ABHD17B: variants seen among roughly 807,000 people sequenced by gnomAD.
The protein encoded by ABHD17B is alpha/beta hydrolase domain-containing protein 17B.
In ABHD17B, 9 loss-of-function variants were observed where a neutral mutation model predicts 26.2. The observed-to-expected ratio is 0.34, with a 90% CI of 0.21 to 0.60. The LOEUF (loss-of-function observed/expected upper bound fraction) is 0.60. Ranked by LOEUF, ABHD17B falls within the 20% of genes least tolerant of loss-of-function variation. ABHD17B has a pLI of 0.80. For missense variants in ABHD17B, 224 were observed against 352.1 expected (o/e 0.64, Z 2.91); for synonymous variants, 127 against 122.3 (o/e 1.04, Z -0.25).
chr9:71,894,245 T>G (rs1192620623), intron 1 of ABHD17B, among the ~76,000 whole-genome samples: 1 of 152,204 alleles, frequency 6.6e-6, no homozygotes, highest in Non-Finnish European at 1.5e-5. Flanking sequence ...TACTGATGTT[T>G]GACTTATTTC....
intron 1 of ABHD17B, among the ~76,000 whole-genome samples, chr9:71,888,641 A>T (rs1001710179): frequency 6.6e-6 from 1 of 152,176 alleles, no homozygotes; most frequent in Non-Finnish European, 1.5e-5. Context: ...GGTTCATATT[A>T]TGGGTACCCC....
intron 1 of ABHD17B, among the ~76,000 whole-genome samples, chr9:71,892,114 T>G (rs1049274828): frequency 6.6e-6 from 1 of 152,180 alleles, no homozygotes; most frequent in South Asian, 2.1e-4. Context: ...TTCTTCTAGT[T>G]CTAAAACTTT....
intron 1 of ABHD17B, among the ~76,000 whole-genome samples, chr9:71,886,567 TG>T (rs1328450777): frequency 5.9e-5 from 9 of 152,200 alleles, no homozygotes; most frequent in African/African-American, 2.2e-4. Flanking sequence ...TTGCCCCGGC[TG>T]GAGTGCAGTG....
At position 71,874,835 on chromosome 9, in the gene ABHD17B, C is replaced by T; in HGVS notation, c.246G>A (p.Met82Ile). 1 of 1,614,180 alleles carries T rather than the reference C, an allele frequency of 6.2e-7. No individual in the cohort carries two copies. Among genetic ancestry groups the T allele is most frequent in the Non-Finnish European group, 8.5e-7 (1 of 1,180,022 alleles). ...RTSKGNRIAC[M>I]FVRCSPNAKY... The stretch of plus-strand genomic sequence containing the variant: ...TCGCATTGGGTGAACAACGTACAAA[C>T]ATACAAGCAATTCTGTTGCCTTTAC... Residue 82 changes from methionine (M) to isoleucine (I), a missense_variant, in exon 2 of 4, where the codon ATG becomes ATA. Physicochemically the swap from Met to Ile is conservative, Grantham distance 10 (BLOSUM62 1). Transcript: ENST00000333421.
chr9:71,892,440 G>A (rs933231427), intron 1 of ABHD17B, among the ~76,000 whole-genome samples: 3 of 151,972 alleles, frequency 2.0e-5, no homozygotes, highest in African/African-American at 7.3e-5. Context: ...GGCTGAGGCA[G>A]GAGAATGGCA....
intron 2 of ABHD17B, among the ~76,000 whole-genome samples, chr9:71,873,364 G>A (rs1450254224): frequency 6.6e-6 from 1 of 151,732 alleles, no homozygotes; most frequent in African/African-American, 2.4e-5. Context: ...AACTGACATA[G>A]TAAGAAAATT....
At chr9:71,906,828 A>AC in intron 1 of ABHD17B, among the ~76,000 whole-genome samples, 1 of 151,446 alleles carries the variant, frequency 6.6e-6, no homozygotes, top group South Asian at 2.1e-4. Context: ...ACAAAAAAAA[A>AC]AACAGCATCT....
chr9:71,862,700 TTAAGA>T (rs200046795), downstream of ABHD17B: 3,289 of 534,364 alleles, frequency 6.2e-3, 84 homozygotes, highest in African/African-American at 0.11. Context: ...AAAATCACTC[TTAAGA>T]TTTTGTCATG....
Position 71,874,804 on chromosome 9 carries a change from T to C in ABHD17B, c.277A>G (p.Thr93Ala). 1 of 1,614,232 alleles carries C rather than the reference T, an allele frequency of 6.2e-7. No individual in the cohort carries two copies. The highest frequency in any genetic ancestry group is 8.5e-7 in the Non-Finnish European group (1 of 1,180,042). The part of the protein sequence containing the change: ...FVRCSPNAKY[T>A]LLFSHGNAVD... ...GCATTTCCATGTGAGAAGAGTAAAG[T>C]GTATTTCGCATTGGGTGAACAACGT... The change falls in exon 2 of 4, where the codon ACT (threonine) becomes GCT (alanine). Residue 93 changes from threonine to alanine, a missense_variant. Physicochemically the swap from Thr to Ala is moderately conservative, Grantham distance 58. Transcript: ENST00000333421.
Position 71,906,342 on chromosome 9 carries a change from C to A in ABHD17B, c.-4+4292G>T, listed in dbSNP as rs550295965. ...CAGAAAATCATTTTCCACTTTTCCA[C>A]CAATGACAGGCCCAGCATTGGTAAT... On this transcript the variant is annotated intron_variant, in intron 1 of 3. Transcript: ENST00000333421. Among the ~76,000 whole-genome samples, 7 of 152,354 alleles carry A rather than the reference C, an allele frequency of 4.6e-5. No individual in the cohort carries two copies. The South Asian group carries it at 1.4e-3, about 32-fold the overall frequency.
chr9:71,893,794 A>C (rs1826867205), intron 1 of ABHD17B, among the ~76,000 whole-genome samples: 1 of 152,192 alleles, frequency 6.6e-6, no homozygotes, highest in African/African-American at 2.4e-5. Flanking sequence ...GTTAGCATAC[A>C]AAGATACTTC....
At chr9:71,871,183 A>G (rs1485967938) in intron 2 of ABHD17B, among the ~76,000 whole-genome samples, 1 of 152,210 alleles carries the variant, frequency 6.6e-6, no homozygotes, top group Non-Finnish European at 1.5e-5. Flanking sequence ...AGAACATAAC[A>G]GCTGCTTTTG....
intron 1 of ABHD17B, among the ~76,000 whole-genome samples, chr9:71,876,260 G>A (rs949230116): frequency 4.6e-5 from 7 of 152,124 alleles, no homozygotes; most frequent in South Asian, 4.1e-4. Flanking sequence ...ACCACTTACC[G>A]TTTGCCAGCT....
chr9:71,874,487 T>C (rs1826202251), intron 2 of ABHD17B, 127 bp downstream of exon 2: 11 of 672,292 alleles, frequency 1.6e-5, no homozygotes, highest in Non-Finnish European at 2.4e-5. Flanking sequence ...TTCACAGGTA[T>C]ATAATAGTAA....
chr9:71,865,045 T>C (rs1825915984), downstream of ABHD17B: 7 of 546,276 alleles, frequency 1.3e-5, no homozygotes, highest in Non-Finnish European at 1.6e-5. Context: ...AGTGATGATA[T>C]AATTTTAAAA....
intron 1 of ABHD17B, among the ~76,000 whole-genome samples, chr9:71,880,518 C>G (rs1826408207): frequency 6.6e-6 from 1 of 151,686 alleles, no homozygotes; most frequent in African/African-American, 2.4e-5. Flanking sequence ...AGGGACAAAA[C>G]AATATGTTTG....
intron 1 of ABHD17B, among the ~76,000 whole-genome samples, chr9:71,893,029 T>C (rs1440631495): frequency 6.6e-6 from 1 of 152,216 alleles, no homozygotes; most frequent in Non-Finnish European, 1.5e-5. Flanking sequence ...AATTATACAA[T>C]ATTTGTCCTT....
intron 1 of ABHD17B, among the ~76,000 whole-genome samples, chr9:71,884,705 G>A (rs965211193): frequency 1.4e-4 from 21 of 151,268 alleles, no homozygotes; most frequent in East Asian, 1.9e-4. Context: ...GTGATAATGC[G>A]CCATGAACTA....
rs1826242468 is a variant in ABHD17B at position 71,875,413 on chromosome 9, T to G, written c.-3-330A>C. ...GTTAATTTTGTATTTTTAGTAGAGA[T>G]GGGGTTTCTCCATGTTGATCAGATT... On this transcript the variant is annotated intron_variant, in intron 1 of 3. Transcript: ENST00000333421. 3.3e-5 allele frequency among the ~76,000 whole-genome samples: 5 copies of G among 152,078 alleles called. No individual in the cohort carries two copies. In the South Asian group the frequency reaches 1.0e-3, roughly 32 times the overall value.
Sources: allele counts gnomAD v4.1 joint callset (sites outside exome capture counted in the v4.1 genomes callset), GRCh38; gene constraint gnomAD v4.1.1; transcripts MANE v1.5; gene names NCBI Gene and HGNC (gene_info 2026-07-23, HGNC 2026-07-21).